The following GRIP1 variants were observed in gnomAD, a reference collection of about 807,000 sequenced individuals.
The protein encoded by GRIP1 is glutamate receptor interacting protein 1.
A neutral mutation model predicts 129.9 loss-of-function variants in GRIP1; 45 were observed. That is an observed-to-expected ratio of 0.35 (90% CI 0.27 to 0.44). GRIP1 has a LOEUF of 0.44. Ranked by LOEUF, GRIP1 falls within the 20% of genes least tolerant of loss-of-function variation. The pLI is 1.00. For missense variants in GRIP1, 1,196 were observed against 1,396.8 expected (o/e 0.86, Z 2.29); for synonymous variants, 530 against 520.8 (o/e 1.02, Z -0.24).
intron 14 of GRIP1, among the ~76,000 whole-genome samples, chr12:66,429,947 T>C (rs2058098570): frequency 6.6e-6 from 1 of 152,222 alleles, no homozygotes; most frequent in Admixed American, 6.5e-5. Context: ...CTCTGAGTCC[T>C]TGCTCTTAAT....
At chr12:66,377,898 G>A (rs1183978645) in intron 20 of GRIP1, among the ~76,000 whole-genome samples, 1 of 151,824 alleles carries the variant, frequency 6.6e-6, no homozygotes, top group Admixed American at 6.6e-5. Context: ...ATGGAACGTC[G>A]GAAATGTATT....
chr12:66,873,742 G>T (rs1280858902), intron 1 of GRIP1, among the ~76,000 whole-genome samples: 2 of 151,916 alleles, frequency 1.3e-5, no homozygotes, highest in Non-Finnish European at 2.9e-5. Context: ...GAAAAATCTT[G>T]CATTTGCTTT....
At chr12:66,754,716 A>C (rs1337281528) in intron 1 of GRIP1, among the ~76,000 whole-genome samples, 1 of 152,172 alleles carries the variant, frequency 6.6e-6, no homozygotes, top group Non-Finnish European at 1.5e-5. Context: ...CTCAAGCCAA[A>C]ATCAGCCTGA....
chr12:66,363,292 G>T (rs1181427603), intron 23 of GRIP1, among the ~76,000 whole-genome samples: 2 of 146,630 alleles, frequency 1.4e-5, no homozygotes, highest in Non-Finnish European at 3.0e-5. Flanking sequence ...CACCCAGGCT[G>T]GGGTACAGTG....
intron 8 of GRIP1, 44 bp from the exon 9 acceptor site, chr12:66,463,137 T>C (rs1456875905): frequency 4.0e-6 from 6 of 1,493,048 alleles, no homozygotes; most frequent in Non-Finnish European, 5.6e-6. Flanking sequence ...TGCCTTCCTC[T>C]TTGGAATCTG....
At chr12:66,378,313 G>A (rs572002330) in intron 20 of GRIP1, among the ~76,000 whole-genome samples, 13 of 152,224 alleles carry the variant, frequency 8.5e-5, no homozygotes, top group South Asian at 2.1e-4. Flanking sequence ...TTAGCTGGGC[G>A]TGTTGGCAGG....
At chr12:66,352,826 G>A (rs1461346388) in intron 24 of GRIP1, among the ~76,000 whole-genome samples, 1 of 150,560 alleles carries the variant, frequency 6.6e-6, no homozygotes, top group African/African-American at 2.4e-5. Flanking sequence ...CTGGCTGGGT[G>A]TGGTGGAAGG....
intron 1 of GRIP1, among the ~76,000 whole-genome samples, chr12:66,623,811 C>T (rs572228635): frequency 1.3e-5 from 2 of 152,254 alleles, no homozygotes; most frequent in East Asian, 3.9e-4. Flanking sequence ...TCAATTTGAT[C>T]AATGTACTCA....
chr12:66,925,286 T>C (rs12811743), intron 1 of GRIP1, among the ~76,000 whole-genome samples: 47,602 of 152,034 alleles, frequency 0.31, 7,532 homozygotes, highest in East Asian at 0.45. Context: ...ACCAATGAAA[T>C]GGGGTTCAGG....
At chr12:66,545,551 T>C (rs187327683) in intron 2 of GRIP1, among the ~76,000 whole-genome samples, 6 of 152,306 alleles carry the variant, frequency 3.9e-5, no homozygotes, top group Admixed American at 3.9e-4. Flanking sequence ...CTGTGCAACA[T>C]CTATATGAAG....
At chr12:66,813,768 C>T (rs1409609602) in intron 1 of GRIP1, among the ~76,000 whole-genome samples, 1 of 152,154 alleles carries the variant, frequency 6.6e-6, no homozygotes, top group Non-Finnish European at 1.5e-5. Flanking sequence ...CAGACAGGGG[C>T]CAGCTCACCT....
chr12:66,423,612 C>G (rs79339217), intron 14 of GRIP1, among the ~76,000 whole-genome samples: 3,736 of 152,290 alleles, frequency 0.025, 161 homozygotes, highest in African/African-American at 0.085. Flanking sequence ...TGAACACCAA[C>G]TATGAGACAA....
At chr12:66,679,326 C>T (rs2034486959), upstream of GRIP1, among the ~76,000 whole-genome samples, 1 of 151,642 alleles carries the variant, frequency 6.6e-6, no homozygotes, top group South Asian at 2.1e-4. Context: ...CTTTCCTTCT[C>T]AGCATCAAGT....
intron 7 of GRIP1, among the ~76,000 whole-genome samples, chr12:66,513,375 T>C (rs1434916457): frequency 1.3e-5 from 2 of 152,150 alleles, no homozygotes; most frequent in East Asian, 1.9e-4. Flanking sequence ...GATGCTTTTT[T>C]TGCGATTTTA....
chr12:66,767,755 C>T (rs557107969), intron 1 of GRIP1, among the ~76,000 whole-genome samples: 15 of 152,262 alleles, frequency 9.9e-5, no homozygotes, highest in South Asian at 4.2e-4. Context: ...GACCCTGCCA[C>T]GATGCTGGTG....
chr12:66,474,596 C>A (rs1734513819), intron 7 of GRIP1, among the ~76,000 whole-genome samples: 2 of 152,160 alleles, frequency 1.3e-5, no homozygotes, highest in African/African-American at 4.8e-5. Flanking sequence ...GGGTTACCCA[C>A]AAAGGGAAGC....
At chr12:66,442,824 C>A (rs974143056) in intron 13 of GRIP1, among the ~76,000 whole-genome samples, 1 of 152,172 alleles carries the variant, frequency 6.6e-6, no homozygotes, top group Non-Finnish European at 1.5e-5. Flanking sequence ...TGTAAGCCAC[C>A]ACACTGGGCA....
chr12:66,715,400 C>A (rs888527729), intron 1 of GRIP1, among the ~76,000 whole-genome samples: 1 of 150,232 alleles, frequency 6.7e-6, no homozygotes, highest in African/African-American at 2.5e-5. Flanking sequence ...CTATTTTAGC[C>A]ACCAGATCTG....
intron 1 of GRIP1, among the ~76,000 whole-genome samples, chr12:66,658,829 G>C (rs561752863): frequency 6.6e-6 from 1 of 151,952 alleles, no homozygotes; most frequent in Admixed American, 6.6e-5. Flanking sequence ...GAGGCTGAGG[G>C]GGGAAGATTG....
Sources: allele counts gnomAD v4.1 joint callset (sites outside exome capture counted in the v4.1 genomes callset), GRCh38; gene constraint gnomAD v4.1.1; transcripts MANE v1.5; gene names NCBI Gene and HGNC (gene_info 2026-07-23, HGNC 2026-07-21).